ZDBF2: variants seen among roughly 807,000 people sequenced by gnomAD.
ZDBF2 encodes zinc finger DBF-type containing 2.
A neutral mutation model predicts 9.4 loss-of-function variants in ZDBF2; 6 were observed. The ratio of observed to expected loss-of-function variants is 0.64; its 90% CI spans 0.35 to 1.27. The LOEUF (loss-of-function observed/expected upper bound fraction) is 1.27. Among genes scored for constraint, ZDBF2 ranks in the 50% most tolerant of loss-of-function variants. ZDBF2 has a pLI of 0.03. For missense variants in ZDBF2, 2,697 were observed against 2,766.8 expected (o/e 0.97, Z 0.57); for synonymous variants, 905 against 946.3 (o/e 0.96, Z 0.80).
chr2:206,284,479 A>G (rs1691497022), intron 3 of ZDBF2, among the ~76,000 whole-genome samples: 1 of 152,168 alleles, frequency 6.6e-6, no homozygotes, highest in African/African-American at 2.4e-5. Flanking sequence ...TTGGAAATTT[A>G]CAATCAATTA....
At position 206,307,866 on chromosome 2, in the gene ZDBF2, C is replaced by G. The variant is rs1448055744; in HGVS notation, c.3338C>G (p.Thr1113Ser). The G allele has an allele frequency of 1.9e-6, 3 of 1,613,458 alleles. No homozygotes were observed. Among genetic ancestry groups the G allele is most frequent in the Non-Finnish European group, 1.7e-6 (2 of 1,179,702 alleles). ...AAAAATAAGATTAATGAACCTAGTA[C>G]TTATAAATTAATACATCATCCTGAT... is the stretch of plus-strand genomic sequence containing the variant. ...GLKNKINEPSTYKLIHHPDVS... is the reference protein window; with the variant it reads ...GLKNKINEPSSYKLIHHPDVS... The change falls in exon 5 of 5, where the codon ACT becomes AGT. Residue 1113 changes from threonine to serine, a missense_variant. By Grantham distance (58) the Thr-to-Ser change is moderately conservative (BLOSUM62 1). Coordinates refer to ENST00000374423, the MANE Select transcript of ZDBF2 (RefSeq NM_020923.3).
intron 3 of ZDBF2, among the ~76,000 whole-genome samples, chr2:206,289,352 A>T (rs192204250): frequency 6.6e-6 from 1 of 152,190 alleles, no homozygotes; most frequent in African/African-American, 2.4e-5. Context: ...TCAGGATGCT[A>T]CTTCAACCTA....
chr2:206,301,384 C>T (rs888323190), intron 4 of ZDBF2, among the ~76,000 whole-genome samples: 3 of 151,706 alleles, frequency 2.0e-5, no homozygotes, highest in Non-Finnish European at 4.4e-5. Flanking sequence ...TTCTTTTATG[C>T]CTTTTTCTTC....
Position 206,304,909 on chromosome 2 carries a change from C to T in ZDBF2, c.381C>T (p.Gly127=). Residue 127 remains glycine (G), a synonymous_variant, in exon 5 of 5, where the codon GGC becomes GGT. Coordinates refer to ENST00000374423, the MANE Select transcript of ZDBF2 (RefSeq NM_020923.3). ...CCAGACCTCATAAATCTCAGGAAGG[C>T]ACGCAGGAGGTTTCAGTTCGACCAT... The part of the protein sequence containing the change: ...LHSRPHKSQE[G]TQEVSVRPSV... 1 of 1,613,648 alleles carries T rather than the reference C, an allele frequency of 6.2e-7. No individual in the cohort carries two copies. Among genetic ancestry groups the T allele is most frequent in the Non-Finnish European group, 8.5e-7 (1 of 1,179,760 alleles).
chr2:206,295,414 A>G (rs1012663413), intron 3 of ZDBF2, among the ~76,000 whole-genome samples: 52 of 137,668 alleles, frequency 3.8e-4, no homozygotes, highest in African/African-American at 1.4e-3. Context: ...CCCAGGTTGG[A>G]GTGCAGTGAT....
intron 2 of ZDBF2, among the ~76,000 whole-genome samples, chr2:206,281,015 T>C (rs1382177560): frequency 6.6e-6 from 1 of 152,202 alleles, no homozygotes; most frequent in African/African-American, 2.4e-5. Context: ...AATACATTGG[T>C]AGGGCATGAA....
chr2:206,277,729 CAA>C (rs5838017), intron 1 of ZDBF2, among the ~76,000 whole-genome samples: 2,348 of 104,930 alleles, frequency 0.022, 32 homozygotes, highest in African/African-American at 0.057. Flanking sequence ...CTAATCTGTC[CAA>C]AAAAAAAAAA....
At chr2:206,298,251 C>T (rs535771801) in intron 4 of ZDBF2, among the ~76,000 whole-genome samples, 54 of 152,086 alleles carry the variant, frequency 3.6e-4, no homozygotes, top group Non-Finnish European at 7.4e-4. Flanking sequence ...GGTAGAAAAT[C>T]AGATTAAATA....
At position 206,313,689 on chromosome 2, in the gene ZDBF2, A is replaced by G. The variant is rs567905254; in HGVS notation, c.*2096A>G. On this transcript the variant is annotated 3_prime_UTR_variant, in exon 5 of 5. Coordinates refer to ENST00000374423, the MANE Select transcript of ZDBF2 (RefSeq NM_020923.3). ...ATCGTGATTACATCATGCAGAGAGA[A>G]CAGTTCCTGTAATTCAAGTAATTAA... The G allele has an allele frequency of 4.0e-4, 61 of 152,304 alleles. 1 individual carries two copies. Among genetic ancestry groups the G allele is most frequent in the Non-Finnish European group, 8.4e-4 (57 of 67,996 alleles). The allele number at this position is 152,304 out of a possible 1,614,324, so 9.4% of individuals were successfully genotyped here. A position where few individuals can be genotyped will look rare whatever the true frequency, so the allele number is the denominator to read the frequency against.
chr2:206,304,614 G>A, intron 4 of ZDBF2, 103 bp from the exon 5 acceptor site: 1 of 1,385,386 alleles, frequency 7.2e-7, no homozygotes, highest in Non-Finnish European at 9.6e-7. Context: ...TGTCCTTTAA[G>A]GATAGTCCAG....
intron 3 of ZDBF2, among the ~76,000 whole-genome samples, chr2:206,290,465 T>C (rs1691830564): frequency 6.6e-6 from 1 of 152,234 alleles, no homozygotes; most frequent in South Asian, 2.1e-4. Flanking sequence ...TAATATTAAG[T>C]CTTCCAATCC....
intron 3 of ZDBF2, among the ~76,000 whole-genome samples, chr2:206,283,351 C>T (rs914948307): frequency 5.3e-5 from 8 of 151,872 alleles, no homozygotes; most frequent in East Asian, 3.8e-4. Context: ...AGTTTCTCCA[C>T]GTTCTTGTCA....
Position 206,310,488 on chromosome 2 carries a change from T to G in ZDBF2, c.5960T>G (p.Ile1987Ser). The change falls in exon 5 of 5, where the codon ATT becomes AGT. Residue 1987 changes from isoleucine (I) to serine (S), a missense_variant. Physicochemically the swap from Ile to Ser is moderately radical, Grantham distance 142. Coordinates refer to ENST00000374423, the MANE Select transcript of ZDBF2 (RefSeq NM_020923.3). ...DDRKTKKKVK[I>S]GTVEFPASCT... ...AGAAAAACCAAAAAGAAAGTCAAAA[T>G]TGGGACAGTTGAATTTCCTGCATCA... 1 of 1,613,518 alleles carries G rather than the reference T, an allele frequency of 6.2e-7. No individual in the cohort carries two copies. The highest frequency in any genetic ancestry group is 1.1e-5 in the South Asian group (1 of 90,996).
At chr2:206,291,104 C>G (rs1428293378) in intron 3 of ZDBF2, among the ~76,000 whole-genome samples, 1 of 152,078 alleles carries the variant, frequency 6.6e-6, no homozygotes, top group Non-Finnish European at 1.5e-5. Flanking sequence ...CAGTATTCAT[C>G]AGCTCAGGCT....
rs768683842 is a variant in ZDBF2, at chr2:206,307,244, A to G, written c.2716A>G (p.Asn906Asp). The G allele has an allele frequency of 3.3e-5, 53 of 1,606,156 alleles. No individual in the cohort carries two copies. Among genetic ancestry groups the G allele is most frequent in the Non-Finnish European group, 4.4e-5 (52 of 1,178,030 alleles). ...AAAAGAAGAGCAGGTACACTTAGAA[A>G]ATAAGGAAAATGAACCTATTGATTC... is the stretch of plus-strand genomic sequence containing the variant. The part of the protein sequence containing the change: ...PQKEEQVHLE[N>D]KENEPIDSEV... The change falls in exon 5 of 5, where the codon AAT (asparagine) becomes GAT (aspartate). Residue 906 changes from asparagine to aspartate, a missense_variant. Coordinates refer to ENST00000374423, the MANE Select transcript of ZDBF2 (RefSeq NM_020923.3).
Position 206,311,476 on chromosome 2 carries a change from G to A in ZDBF2, c.6948G>A (p.Gln2316=), listed in dbSNP as rs1416823251. Residue 2316 remains glutamine, a synonymous_variant, in exon 5 of 5, where the codon CAG becomes CAA. Transcript: ENST00000374423. The part of the protein sequence containing the change: ...KKTDESYHGR[Q]KGPSTPVRAY... ...CTGATGAAAGCTACCATGGCCGACA[G>A]AAAGGTCCTTCTACACCTGTGAGAG... The A allele has an allele frequency of 3.1e-6, 5 of 1,612,362 alleles. No individual in the cohort carries two copies. The highest frequency in any genetic ancestry group is 4.2e-6 in the Non-Finnish European group (5 of 1,179,368).
chr2:206,301,569 T>G (rs895134998), intron 4 of ZDBF2, among the ~76,000 whole-genome samples: 1 of 152,164 alleles, frequency 6.6e-6, no homozygotes, highest in Non-Finnish European at 1.5e-5. Context: ...TATCTCATTT[T>G]GAATACCATT....
chr2:206,282,045 G>T, intron 3 of ZDBF2, 136 bp downstream of exon 3: 1 of 759,196 alleles, frequency 1.3e-6, no homozygotes, highest in Non-Finnish European at 2.0e-6. Context: ...ACTGTTTAAG[G>T]TTCTAGGGAT....
intron 4 of ZDBF2, among the ~76,000 whole-genome samples, chr2:206,302,682 T>G (rs1346997537): frequency 6.6e-6 from 1 of 152,208 alleles, no homozygotes; most frequent in African/African-American, 2.4e-5. Context: ...TTGAGAAGTA[T>G]GAAAAATTAG....
Sources: allele counts gnomAD v4.1 joint callset (sites outside exome capture counted in the v4.1 genomes callset), GRCh38; gene constraint gnomAD v4.1.1; transcripts MANE v1.5; gene names NCBI Gene and HGNC (gene_info 2026-07-23, HGNC 2026-07-21).